The following GABRA2 variants were observed in gnomAD, a reference collection of about 807,000 sequenced individuals.
The protein encoded by GABRA2 is gamma-aminobutyric acid type A receptor subunit alpha2, also known as gamma-aminobutyric acid receptor subunit alpha-2.
A neutral mutation model predicts 48.7 loss-of-function variants in GABRA2; 16 were observed. The ratio of observed to expected loss-of-function variants is 0.33; its 90% CI spans 0.22 to 0.50. The LOEUF (loss-of-function observed/expected upper bound fraction) is 0.50, where lower values mean the gene tolerates loss of function less well. Ranked by LOEUF, GABRA2 falls within the 20% of genes least tolerant of loss-of-function variation. GABRA2 has a pLI of 0.98. For synonymous variants in GABRA2, 185 were observed against 184.5 expected (o/e 1.00, Z -0.02); for missense variants, 275 against 535.6 (o/e 0.51, Z 4.80).
At chr4:46,284,077 GAA>G (rs3068328) in intron 8 of GABRA2, among the ~76,000 whole-genome samples, 1,239 of 123,256 alleles carry the variant, frequency 0.01, 7 homozygotes, top group African/African-American at 0.025. Flanking sequence ...GTTCTTAATA[GAA>G]AAAAAAAAAA....
At chr4:46,315,793 T>C (rs935194660) in intron 4 of GABRA2, among the ~76,000 whole-genome samples, 2 of 151,966 alleles carry the variant, frequency 1.3e-5, no homozygotes, top group Admixed American at 1.3e-4. Context: ...AACCATCACC[T>C]AGCAGAAATG....
chr4:46,270,066 T>C (rs1719032221), intron 8 of GABRA2, among the ~76,000 whole-genome samples: 1 of 151,970 alleles, frequency 6.6e-6, no homozygotes, highest in African/African-American at 2.4e-5. Context: ...AAGTTGAAAT[T>C]TGTTTGTAAG....
chr4:46,271,223 G>T (rs1577846168), intron 8 of GABRA2, among the ~76,000 whole-genome samples: 1 of 151,910 alleles, frequency 6.6e-6, no homozygotes, highest in South Asian at 2.1e-4. Context: ...TGCTTGGAAT[G>T]ACAGAAACAA....
intron 5 of GABRA2, among the ~76,000 whole-genome samples, chr4:46,310,930 A>G (rs112205525): frequency 3.9e-5 from 6 of 152,296 alleles, no homozygotes; most frequent in African/African-American, 1.4e-4. Context: ...CAATTATTCC[A>G]TTTCATGTAA....
chr4:46,312,583 T>C lies in GABRA2; in HGVS notation c.389A>G (p.Asn130Ser). 1.3e-6 allele frequency: 2 copies of C among 1,597,766 alleles called. No homozygotes were observed. The highest frequency in any genetic ancestry group is 1.7e-6 in the Non-Finnish European group (2 of 1,173,866). ...KIWTPDTFFH[N>S]GKKSVAHNMT... ...ATTATGAGCTACTGATTTTTTCCCA[T>C]TGTGAAAAAAGGTATCTGGAGTCCA... Residue 130 changes from asparagine (N) to serine (S), a missense_variant, in exon 5 of 10, where the codon AAT (asparagine) becomes AGT (serine). Physicochemically the swap from Asn to Ser is conservative, Grantham distance 46. Transcript: ENST00000381620.
At chr4:46,304,470 TG>T (rs1382928591) in intron 7 of GABRA2, among the ~76,000 whole-genome samples, 1 of 152,098 alleles carries the variant, frequency 6.6e-6, no homozygotes, top group East Asian at 1.9e-4. Flanking sequence ...TTTTTGTTTT[TG>T]TTTTTTTGTC....
intron 3 of GABRA2, among the ~76,000 whole-genome samples, chr4:46,384,833 T>C (rs1324866691): frequency 3.3e-5 from 5 of 152,078 alleles, no homozygotes; most frequent in African/African-American, 1.2e-4. Context: ...CAGATATTCT[T>C]TTCCTTTTTA....
intron 3 of GABRA2, among the ~76,000 whole-genome samples, chr4:46,352,759 G>A (rs1560567466): frequency 6.6e-6 from 1 of 152,046 alleles, no homozygotes; most frequent in Non-Finnish European, 1.5e-5. Context: ...CTTAAAAGGG[G>A]AGACTGCTTT....
chr4:46,319,613 A>G (rs1263562608), intron 4 of GABRA2, among the ~76,000 whole-genome samples: 1 of 151,810 alleles, frequency 6.6e-6, no homozygotes, highest in Non-Finnish European at 1.5e-5. Flanking sequence ...AAGGGCCAGT[A>G]AACCCAATTA....
intron 4 of GABRA2, among the ~76,000 whole-genome samples, chr4:46,322,850 T>A (rs1026595418): frequency 6.6e-6 from 1 of 152,010 alleles, no homozygotes; most frequent in Non-Finnish European, 1.5e-5. Context: ...AGATGTCTTA[T>A]GGCAGCAATC....
chr4:46,270,154 TCTA>T (rs1719047631), intron 8 of GABRA2, among the ~76,000 whole-genome samples: 1 of 152,002 alleles, frequency 6.6e-6, no homozygotes, highest in Non-Finnish European at 1.5e-5. Context: ...TTAATATAAA[TCTA>T]CTATGAGGCA....
At chr4:46,304,378 A>T (rs2109632829) in intron 7 of GABRA2, among the ~76,000 whole-genome samples, 1 of 152,048 alleles carries the variant, frequency 6.6e-6, no homozygotes, top group South Asian at 2.1e-4. Context: ...CTTCTATCTA[A>T]TCCTCATATC....
chr4:46,266,912 C>T (rs891695496), intron 8 of GABRA2, among the ~76,000 whole-genome samples: 4 of 151,490 alleles, frequency 2.6e-5, no homozygotes, highest in Non-Finnish European at 2.9e-5. Flanking sequence ...TTAGTAGAGA[C>T]GGGGTTTCAC....
chr4:46,316,392 C>T (rs1728558881), intron 4 of GABRA2, among the ~76,000 whole-genome samples: 1 of 151,964 alleles, frequency 6.6e-6, no homozygotes, highest in Non-Finnish European at 1.5e-5. Flanking sequence ...CCATAGATTG[C>T]ATAAATGAAT....
chr4:46,271,007 A>T (rs1719223535), intron 8 of GABRA2, among the ~76,000 whole-genome samples: 1 of 151,618 alleles, frequency 6.6e-6, no homozygotes, highest in Non-Finnish European at 1.5e-5. Flanking sequence ...AAAAAAAAAA[A>T]TACTTCAATG....
At chr4:46,284,212 C>T (rs1293671838) in intron 8 of GABRA2, among the ~76,000 whole-genome samples, 1 of 151,802 alleles carries the variant, frequency 6.6e-6, no homozygotes, top group East Asian at 1.9e-4. Flanking sequence ...CTATTCATCA[C>T]AATTATGTTT....
intron 3 of GABRA2, among the ~76,000 whole-genome samples, chr4:46,360,598 C>T (rs184412791): frequency 2.0e-4 from 30 of 152,120 alleles, no homozygotes; most frequent in Admixed American, 9.8e-4. Context: ...TGAAAATGGA[C>T]TAATACAGTA....
intron 5 of GABRA2, among the ~76,000 whole-genome samples, chr4:46,312,167 T>C (rs1727751937): frequency 1.3e-5 from 2 of 152,184 alleles, no homozygotes; most frequent in South Asian, 2.1e-4. Flanking sequence ...TCTGATAAGA[T>C]ATTAAAATTA....
At position 46,248,068 on chromosome 4, in the gene GABRA2, G is replaced by T. The variant is rs1185833077; in HGVS notation, c.*2240C>A. Reference sequence around the variant, plus strand: ...TACTGGTGCCATCAATATAGTAGCAGCTCTTTGCCCAAAGTATAGATAAGC... The same window carrying T: ...TACTGGTGCCATCAATATAGTAGCATCTCTTTGCCCAAAGTATAGATAAGC... On this transcript the variant is annotated 3_prime_UTR_variant, in exon 10 of 10. Transcript: ENST00000381620. Among the ~76,000 whole-genome samples the T allele has an allele frequency of 6.6e-6, 1 of 151,274 alleles. No homozygotes were observed. The highest frequency in any genetic ancestry group is 1.5e-5 in the Non-Finnish European group (1 of 67,512).
Sources: allele counts gnomAD v4.1 joint callset (sites outside exome capture counted in the v4.1 genomes callset), GRCh38; gene constraint gnomAD v4.1.1; transcripts MANE v1.5; gene names NCBI Gene and HGNC (gene_info 2026-07-23, HGNC 2026-07-21).